Variants in DNAJC21 observed in about 807,000 individuals in gnomAD.
DNAJC21 encodes the protein DnaJ heat shock protein family (Hsp40) member C21.
Under a neutral mutation model 72.4 loss-of-function variants are expected in DNAJC21, and 63 were observed. That is an observed-to-expected ratio of 0.87 (90% CI 0.71 to 1.07). The LOEUF is 1.07. Among genes scored for constraint, DNAJC21 ranks in the 50% least tolerant of loss-of-function variants. The pLI, the probability that DNAJC21 is intolerant of heterozygous loss-of-function variation, is 0.00. For synonymous variants in DNAJC21, 203 were observed against 216.7 expected (o/e 0.94, Z 0.56); for missense variants, 634 against 644.8 (o/e 0.98, Z 0.18).
At chr5:34,953,085 G>A (rs552249514) in intron 10 of DNAJC21, among the ~76,000 whole-genome samples, 1 of 152,138 alleles carries the variant, frequency 6.6e-6, no homozygotes, top group Non-Finnish European at 1.5e-5. Flanking sequence ...GGGAGGCAGA[G>A]GTTGCAGTGA....
chr5:34,951,905 CT>C, intron 10 of DNAJC21: 1 of 985,454 alleles, frequency 1.0e-6, no homozygotes, highest in Non-Finnish European at 1.2e-6. Context: ...TAGTTCAGCT[CT>C]CTAATTTCAC....
chr5:34,939,068 CT>C, intron 6 of DNAJC21, 59 bp downstream of exon 6: 1 of 1,417,852 alleles, frequency 7.1e-7, no homozygotes, highest in Non-Finnish European at 9.4e-7. Flanking sequence ...TGGAAATCTC[CT>C]TGCTTATTTG....
intron 5 of DNAJC21, 144 bp downstream of exon 5, chr5:34,937,774 T>C: frequency 2.0e-6 from 2 of 1,021,474 alleles, no homozygotes; most frequent in Non-Finnish European, 2.8e-6. Flanking sequence ...TGGCATTGGA[T>C]AGTGTTTTTT....
chr5:34,954,453 A>C, intron 11 of DNAJC21, 100 bp from the exon 12 acceptor site: 1 of 1,384,598 alleles, frequency 7.2e-7, no homozygotes, highest in Non-Finnish European at 9.7e-7. Context: ...AAACATCTTT[A>C]TTTTACAATT....
intron 7 of DNAJC21, among the ~76,000 whole-genome samples, chr5:34,942,313 G>A (rs937236897): frequency 6.6e-6 from 1 of 151,942 alleles, no homozygotes; most frequent in Admixed American, 6.6e-5. Flanking sequence ...GTATTAAAAC[G>A]GATACCATTA....
intron 10 of DNAJC21, chr5:34,950,728 C>CTG (rs1042815563): frequency 1.0e-6 from 1 of 992,498 alleles, no homozygotes; most frequent in African/African-American, 1.7e-5. Flanking sequence ...CGACAGCAGC[C>CTG]TGTGTTGGGC....
intron 2 of DNAJC21, among the ~76,000 whole-genome samples, chr5:34,934,130 GAT>G (rs2112025402): frequency 6.6e-6 from 1 of 152,276 alleles, no homozygotes; most frequent in African/African-American, 2.4e-5. Flanking sequence ...AAAGTTTGGT[GAT>G]ATTATATAGT....
chr5:34,946,855 A>G (rs533110234), intron 9 of DNAJC21, among the ~76,000 whole-genome samples: 78 of 152,316 alleles, frequency 5.1e-4, no homozygotes, highest in Non-Finnish European at 9.6e-4. Context: ...TATTGATTGC[A>G]ACCATAAACA....
intron 10 of DNAJC21, chr5:34,950,744 C>A: frequency 1.0e-6 from 1 of 990,430 alleles, no homozygotes; most frequent in African/African-American, 1.7e-5. Flanking sequence ...TGGGCCCCAC[C>A]ATGTTGTGAG....
intron 8 of DNAJC21, 55 bp downstream of exon 8, chr5:34,945,080 T>C: frequency 6.3e-7 from 1 of 1,581,672 alleles, no homozygotes; most frequent in Non-Finnish European, 8.6e-7. Context: ...AGAGATTGCA[T>C]TAAAAGGTTT....
chr5:34,941,199 T>G lies in DNAJC21; in HGVS notation c.983+16T>G, dbSNP rs1228704499. ...CAGAAAAGGCGTAAGTTTATTAATT[T>G]AATTTAATTTAATTTTGAGACAGGG... On this transcript the variant is annotated intron_variant, in intron 7 of 11. Transcript: ENST00000648817. The G allele has an allele frequency of 2.5e-6, 4 of 1,605,466 alleles. No homozygotes were observed. The highest frequency in any genetic ancestry group is 1.7e-5 in the Admixed American group (1 of 59,918).
Position 34,956,067 on chromosome 5 carries a change from A to AG in DNAJC21, c.*1353_*1354insG, listed in dbSNP as rs1765527787. The AG allele has an allele frequency of 6.6e-6, 1 of 151,834 alleles. No homozygotes were observed. The highest frequency in any genetic ancestry group is 6.6e-5 in the Admixed American group (1 of 15,202). The allele number at this position is 151,834 out of a possible 1,614,324, so 9.4% of individuals were successfully genotyped here. A position where few individuals can be genotyped will look rare whatever the true frequency, so the allele number is the denominator to read the frequency against. ...GACTCCGTCTCAAAAAAAAAAAAAA[A>AG]AAAAAAAAGAAAGTAATTTTAAACT... On this transcript the variant is annotated 3_prime_UTR_variant, in exon 12 of 12. Coordinates refer to ENST00000648817, the MANE Select transcript of DNAJC21 (RefSeq NM_001012339.3).
At chr5:34,953,606 CTG>C (rs1225305742) in intron 10 of DNAJC21, 6 of 191,494 alleles carry the variant, frequency 3.1e-5, no homozygotes, top group Middle Eastern at 3.9e-3. Context: ...GTATAAAACA[CTG>C]TATTAAACAC....
rs1181224192 is a variant in DNAJC21 at position 34,935,692 on chromosome 5, C to A, written c.192-18C>A. 6.2e-7 allele frequency: 1 copy of A among 1,613,264 alleles called. No individual in the cohort carries two copies. The highest frequency in any genetic ancestry group is 2.2e-5 in the East Asian group (1 of 44,826). ...TACTTATTCAGCCTTCACAATGATGCTAATTTTTGTTTTTCAGGTATGATA... is the reference window on the plus strand; with the variant it reads ...TACTTATTCAGCCTTCACAATGATGATAATTTTTGTTTTTCAGGTATGATA... On this transcript the variant is annotated intron_variant, in intron 2 of 11. Transcript: ENST00000648817.
At chr5:34,944,037 A>G (rs540587902) in intron 7 of DNAJC21, among the ~76,000 whole-genome samples, 1 of 152,324 alleles carries the variant, frequency 6.6e-6, no homozygotes, top group South Asian at 2.1e-4. Flanking sequence ...AGCAACTAAA[A>G]CTATAATACC....
Position 34,941,131 on chromosome 5 carries a change from T to A in DNAJC21, c.931T>A (p.Tyr311Asn). The A allele has an allele frequency of 1.2e-6, 2 of 1,614,194 alleles. No homozygotes were observed. Among genetic ancestry groups the A allele is most frequent in the Non-Finnish European group, 1.7e-6 (2 of 1,180,026 alleles). Residue 311 changes from tyrosine (Y) to asparagine (N), a missense_variant, in exon 7 of 12, where the codon TAT becomes AAT. Transcript: ENST00000648817. Reference sequence around the variant, plus strand: ...TGATGAGGCCGAGGACGCTGAGCTCTATGATGACCTTTACTGCCCAGCATG... The same window carrying A: ...TGATGAGGCCGAGGACGCTGAGCTCAATGATGACCTTTACTGCCCAGCATG... ...DSDEAEDAEL[Y>N]DDLYCPACDK...
rs376147328 is a variant in DNAJC21, at chr5:34,937,464, G to A, written c.577G>A (p.Asp193Asn). 2.5e-6 allele frequency: 4 copies of A among 1,614,154 alleles called. No individual in the cohort carries two copies. Among genetic ancestry groups the A allele is most frequent in the Non-Finnish European group, 3.4e-6 (4 of 1,179,994 alleles). ...GGAAAAAGAAAACAAAAAGATTCGGGACAAAGCAAGGAAAGAGAAGAATGA... is the reference window on the plus strand; with the variant it reads ...GGAAAAAGAAAACAAAAAGATTCGGAACAAAGCAAGGAAAGAGAAGAATGA... ...AMEKENKKIR[D>N]KARKEKNELV... is the part of the protein sequence containing the mutation. The change falls in exon 5 of 12, where the codon GAC becomes AAC. Residue 193 changes from aspartate (D) to asparagine (N), a missense_variant. Transcript: ENST00000648817.
chr5:34,945,113 T>C (rs1765130530), intron 8 of DNAJC21, 88 bp downstream of exon 8: 1 of 1,495,744 alleles, frequency 6.7e-7, no homozygotes, highest in Non-Finnish European at 9.1e-7. Context: ...AGAATCACTC[T>C]GTTGCCCAGG....
Position 34,949,209 on chromosome 5 carries a change from C to T in DNAJC21, c.1186-961C>T, listed in dbSNP as rs187114658. ...AAAATGACAAACTCATTTTGCTTCCCGGGATTATAGTATTATGCTAGAAAT... is the reference window on the plus strand; with the variant it reads ...AAAATGACAAACTCATTTTGCTTCCTGGGATTATAGTATTATGCTAGAAAT... On this transcript the variant is annotated intron_variant, in intron 9 of 11. Transcript: ENST00000648817. 2.0e-3 allele frequency among the ~76,000 whole-genome samples: 310 copies of T among 152,096 alleles called. 1 individual carries two copies. Among genetic ancestry groups the T allele is most frequent in the African/African-American group, 7.2e-3 (297 of 41,450 alleles).
Sources: allele counts gnomAD v4.1 joint callset (sites outside exome capture counted in the v4.1 genomes callset), GRCh38; gene constraint gnomAD v4.1.1; transcripts MANE v1.5; gene names NCBI Gene and HGNC (gene_info 2026-07-23, HGNC 2026-07-21).